Variants in RGS7 observed in about 807,000 individuals in gnomAD.
RGS7 encodes the protein regulator of G-protein signaling 7.
Under a neutral mutation model 81.1 loss-of-function variants are expected in RGS7, and 27 were observed. The ratio of observed to expected loss-of-function variants is 0.33; its 90% CI spans 0.25 to 0.46. The LOEUF is 0.46. Among genes scored for constraint, RGS7 ranks in the 20% least tolerant of loss-of-function variants. The pLI is 1.00. For synonymous variants in RGS7, 208 were observed against 207.7 expected (o/e 1.00, Z -0.01); for missense variants, 396 against 607.4 (o/e 0.65, Z 3.66).
intron 6 of RGS7, among the ~76,000 whole-genome samples, chr1:240,878,723 TAC>T (rs1156302289): frequency 4.0e-5 from 6 of 150,958 alleles, no homozygotes; most frequent in Admixed American, 6.6e-5. Context: ...ATTTGGTGTA[TAC>T]ACACACACAC....
At chr1:240,969,729 A>C (rs2148504109) in intron 4 of RGS7, among the ~76,000 whole-genome samples, 1 of 152,360 alleles carries the variant, frequency 6.6e-6, no homozygotes, top group African/African-American at 2.4e-5. Flanking sequence ...GGACAGACAG[A>C]TCACCTGCTG....
At chr1:240,837,165 C>T (rs989535414) in intron 9 of RGS7, among the ~76,000 whole-genome samples, 4 of 152,198 alleles carry the variant, frequency 2.6e-5, no homozygotes, top group Admixed American at 6.5e-5. Context: ...TAAAAAATCA[C>T]TGGGCAGAAG....
chr1:241,234,056 A>G (rs752116133), intron 2 of RGS7, among the ~76,000 whole-genome samples: 6 of 152,110 alleles, frequency 3.9e-5, no homozygotes, highest in Non-Finnish European at 7.4e-5. Flanking sequence ...TTTAATTTCA[A>G]CCTCAAGTCT....
chr1:241,187,430 A>G (rs1490688862), intron 2 of RGS7, among the ~76,000 whole-genome samples: 1 of 152,240 alleles, frequency 6.6e-6, no homozygotes, highest in Non-Finnish European at 1.5e-5. Context: ...TAGAGATTAT[A>G]CACTTTTTTT....
At chr1:241,053,886 T>C (rs1354105967) in intron 3 of RGS7, among the ~76,000 whole-genome samples, 1 of 152,250 alleles carries the variant, frequency 6.6e-6, no homozygotes, top group African/African-American at 2.4e-5. Flanking sequence ...ATGTAAGACA[T>C]GTCTTTCACC....
At chr1:240,838,453 A>G (rs1695058187) in intron 9 of RGS7, among the ~76,000 whole-genome samples, 1 of 152,230 alleles carries the variant, frequency 6.6e-6, no homozygotes, top group African/African-American at 2.4e-5. Context: ...GAGAAAGGCC[A>G]TAACACATAC....
chr1:241,243,655 C>T (rs1231395219), intron 2 of RGS7, among the ~76,000 whole-genome samples: 1 of 151,998 alleles, frequency 6.6e-6, no homozygotes, highest in Non-Finnish European at 1.5e-5. Context: ...AAATAGGGTA[C>T]AGAGGGATAA....
intron 2 of RGS7, among the ~76,000 whole-genome samples, chr1:241,135,236 C>G (rs531171996): frequency 9.9e-5 from 15 of 152,110 alleles, no homozygotes; most frequent in Non-Finnish European, 2.1e-4. Context: ...ACCATCCTGG[C>G]TAACACGGTG....
At chr1:241,022,601 A>G (rs764122196) in intron 3 of RGS7, among the ~76,000 whole-genome samples, 4 of 151,868 alleles carry the variant, frequency 2.6e-5, no homozygotes, top group Non-Finnish European at 5.9e-5. Context: ...GACAGCTTTG[A>G]CTCCCTATGA....
intron 3 of RGS7, among the ~76,000 whole-genome samples, chr1:241,054,449 C>T (rs1350741585): frequency 1.3e-5 from 2 of 152,178 alleles, no homozygotes; most frequent in African/African-American, 4.8e-5. Flanking sequence ...TCCACTGTCT[C>T]CTCAGGTGAT....
chr1:240,860,028 A>G (rs1661911138), intron 9 of RGS7, among the ~76,000 whole-genome samples: 1 of 151,926 alleles, frequency 6.6e-6, no homozygotes, highest in Non-Finnish European at 1.5e-5. Flanking sequence ...AGCTGTTCTG[A>G]TTTCTAGTTT....
chr1:241,039,986 G>C (rs1416122168), intron 3 of RGS7, among the ~76,000 whole-genome samples: 1 of 152,200 alleles, frequency 6.6e-6, no homozygotes, highest in African/African-American at 2.4e-5. Context: ...TTTAATAGAA[G>C]ATTGAATGTA....
chr1:241,323,155 A>C (rs1227135998), intron 2 of RGS7, among the ~76,000 whole-genome samples: 1 of 152,254 alleles, frequency 6.6e-6, no homozygotes, highest in Non-Finnish European at 1.5e-5. Flanking sequence ...TCCCTTAAAA[A>C]TAAGAGAGAA....
intron 3 of RGS7, among the ~76,000 whole-genome samples, chr1:241,015,475 C>T (rs962509833): frequency 6.6e-5 from 10 of 152,076 alleles, no homozygotes; most frequent in Non-Finnish European, 1.3e-4. Context: ...AATATATAAA[C>T]CTTTAACCTA....
At chr1:241,171,712 G>A (rs1001150332) in intron 2 of RGS7, among the ~76,000 whole-genome samples, 8 of 152,138 alleles carry the variant, frequency 5.3e-5, no homozygotes, top group South Asian at 2.1e-4. Flanking sequence ...GGATTAAGTC[G>A]GTACCCTATC....
chr1:240,957,357 G>A (rs1168984516), intron 4 of RGS7, among the ~76,000 whole-genome samples: 1 of 152,196 alleles, frequency 6.6e-6, no homozygotes, highest in African/African-American at 2.4e-5. Flanking sequence ...TGCACTGTCA[G>A]CTTCCCTCCT....
At chr1:240,970,030 T>A (rs1043828008) in intron 4 of RGS7, among the ~76,000 whole-genome samples, 1 of 152,238 alleles carries the variant, frequency 6.6e-6, no homozygotes, top group Non-Finnish European at 1.5e-5. Context: ...CAACATGATG[T>A]TCAGCACATA....
intron 2 of RGS7, among the ~76,000 whole-genome samples, chr1:241,231,408 A>T (rs2075655340): frequency 6.6e-6 from 1 of 152,186 alleles, no homozygotes; most frequent in Non-Finnish European, 1.5e-5. Context: ...TCTAGTGGTA[A>T]GATCACATTT....
At chr1:241,275,175 G>A (rs1388463796) in intron 2 of RGS7, among the ~76,000 whole-genome samples, 1 of 152,094 alleles carries the variant, frequency 6.6e-6, no homozygotes, top group African/African-American at 2.4e-5. Context: ...AGCTCTGGTT[G>A]GGGGAAAAGT....
Sources: gnomAD v4.1 joint callset for allele counts (sites outside exome capture counted in the v4.1 genomes callset) on GRCh38, gnomAD v4.1.1 for gene constraint, MANE v1.5 for transcripts, NCBI Gene and HGNC (gene_info 2026-07-23, HGNC 2026-07-21) for gene names.